The following SBF2 variants were observed in gnomAD, a reference collection of about 807,000 sequenced individuals.
SBF2 encodes the protein myotubularin-related protein 13.
SBF2 carries 112 observed loss-of-function variants against 225.2 expected under a neutral mutation model. That is an observed-to-expected ratio of 0.50 (90% CI 0.43 to 0.58). SBF2 has a LOEUF of 0.58. SBF2 is among the 20% of genes least tolerant of loss of function. SBF2 has a pLI of 0.00. For synonymous variants in SBF2, 763 were observed against 773.3 expected (o/e 0.99, Z 0.22); for missense variants, 1,996 against 2,206.2 (o/e 0.90, Z 1.91).
chr11:9,908,851 ATTTTT>A (rs34026186), intron 16 of SBF2, among the ~76,000 whole-genome samples: 1 of 125,354 alleles, frequency 8.0e-6, no homozygotes, highest in African/African-American at 3.1e-5. Context: ...CGCATGGCTA[ATTTTT>A]TTTTTTTTTT....
chr11:10,178,778 C>T (rs1956590733), intron 2 of SBF2, among the ~76,000 whole-genome samples: 3 of 146,414 alleles, frequency 2.0e-5, no homozygotes, highest in Non-Finnish European at 3.0e-5. Flanking sequence ...TTGTGGAAGT[C>T]AGTGTGGCGA....
Position 9,943,005 on chromosome 11 carries a change from AAGAAAG to A in SBF2, c.1860+18946_1860+18951del, listed in dbSNP as rs746463689. On this transcript the variant is annotated intron_variant, in intron 16 of 39. Transcript: ENST00000256190. Reference sequence around the variant, plus strand: ...GAAGAAAGAAAGAAAGAAAGAAAGAAAGAAAGAGAAAGAAAGATTGTGATGCTCTTA... The same window carrying A: ...GAAGAAAGAAAGAAAGAAAGAAAGAAAGAAAGAAAGATTGTGATGCTCTTA... Among the ~76,000 whole-genome samples, 319 of 151,358 alleles carry A rather than the reference AAGAAAG, an allele frequency of 2.1e-3. 1 individual carries two copies. Among genetic ancestry groups the A allele is most frequent in the South Asian group, 0.011 (51 of 4,804 alleles).
At chr11:10,078,638 G>C (rs1027939047) in intron 2 of SBF2, among the ~76,000 whole-genome samples, 1 of 152,044 alleles carries the variant, frequency 6.6e-6, no homozygotes, top group African/African-American at 2.4e-5. Context: ...GGGGGTTTGG[G>C]GGCTGGGGGA....
intron 2 of SBF2, among the ~76,000 whole-genome samples, chr11:10,147,964 T>G (rs1405688263): frequency 6.6e-6 from 1 of 152,196 alleles, no homozygotes; most frequent in Admixed American, 6.5e-5. Flanking sequence ...TAACATTCAC[T>G]TCTGATAAGT....
chr11:10,032,004 G>A (rs1806460127), intron 3 of SBF2, among the ~76,000 whole-genome samples: 2 of 152,160 alleles, frequency 1.3e-5, no homozygotes, highest in South Asian at 4.1e-4. Flanking sequence ...TGCTTCCAAA[G>A]TGCTGGATTA....
chr11:9,790,864 T>G, intron 33 of SBF2, 181 bp from the exon 34 acceptor site: 1 of 522,138 alleles, frequency 1.9e-6, no homozygotes, highest in Middle Eastern at 5.4e-4. Flanking sequence ...ATTTCATCGC[T>G]ACAGGGAAAC....
intron 32 of SBF2, among the ~76,000 whole-genome samples, chr11:9,804,221 C>T (rs1168337882): frequency 1.3e-5 from 2 of 152,138 alleles, no homozygotes; most frequent in Non-Finnish European, 2.9e-5. Context: ...CTGAAAATAG[C>T]ATGGAAAAAA....
chr11:10,129,597 A>C (rs567472406), intron 2 of SBF2, among the ~76,000 whole-genome samples: 1 of 152,222 alleles, frequency 6.6e-6, no homozygotes, highest in African/African-American at 2.4e-5. Context: ...AACTTCTAAT[A>C]GGGTTTGTAC....
chr11:10,279,164 C>T (rs1360103182), intron 1 of SBF2, among the ~76,000 whole-genome samples: 2 of 142,702 alleles, frequency 1.4e-5, no homozygotes, highest in Non-Finnish European at 3.0e-5. Context: ...GTAATCTCAG[C>T]ACTTTGGGAG....
rs891817405 is a variant in SBF2, at chr11:9,987,962, G to A, written c.1395+1535C>T. Among the ~76,000 whole-genome samples, 58 of 152,044 alleles carry A rather than the reference G, an allele frequency of 3.8e-4. 1 individual carries two copies. The highest frequency in any genetic ancestry group is 1.9e-4 in the Non-Finnish European group (13 of 67,976). On this transcript the variant is annotated intron_variant, in intron 13 of 39. Coordinates refer to ENST00000256190, the MANE Select transcript of SBF2 (RefSeq NM_030962.4). ...CTAAAAAAGAGCCCGCATAGCCAAAGCAAGACTAAGCAAAAAGAACAAATT... is the reference window on the plus strand; with the variant it reads ...CTAAAAAAGAGCCCGCATAGCCAAAACAAGACTAAGCAAAAAGAACAAATT...
intron 2 of SBF2, among the ~76,000 whole-genome samples, chr11:10,088,410 C>T (rs987325231): frequency 6.6e-6 from 1 of 152,118 alleles, no homozygotes; most frequent in African/African-American, 2.4e-5. Context: ...TCCACAGTGT[C>T]TTCATCTGTT....
intron 17 of SBF2, among the ~76,000 whole-genome samples, chr11:9,867,259 C>T (rs995595847): frequency 6.6e-6 from 1 of 152,104 alleles, no homozygotes; most frequent in South Asian, 2.1e-4. Flanking sequence ...TATACACCTA[C>T]TATGTACCCA....
chr11:10,162,835 T>C (rs1290732760), intron 2 of SBF2, among the ~76,000 whole-genome samples: 1 of 152,086 alleles, frequency 6.6e-6, no homozygotes, highest in African/African-American at 2.4e-5. Context: ...CAAGAATAAC[T>C]AGGAACAGTT....
At chr11:10,186,178 G>A (rs922240044) in intron 2 of SBF2, among the ~76,000 whole-genome samples, 1 of 152,196 alleles carries the variant, frequency 6.6e-6, no homozygotes, top group Non-Finnish European at 1.5e-5. Context: ...AAGTGGGAGA[G>A]ATATACAGAG....
intron 32 of SBF2, among the ~76,000 whole-genome samples, chr11:9,797,059 A>G (rs1023909447): frequency 3.3e-5 from 5 of 152,226 alleles, no homozygotes; most frequent in African/African-American, 9.6e-5. Context: ...GTAAGTTCCA[A>G]TCATAATTGT....
chr11:9,901,289 T>C (rs911637541), intron 16 of SBF2, among the ~76,000 whole-genome samples: 5 of 152,196 alleles, frequency 3.3e-5, no homozygotes, highest in African/African-American at 1.2e-4. Flanking sequence ...TTAGTATTAG[T>C]TGTGAACTCA....
chr11:10,038,972 A>T (rs1949549817), intron 3 of SBF2, among the ~76,000 whole-genome samples: 1 of 151,882 alleles, frequency 6.6e-6, no homozygotes, highest in Admixed American at 6.6e-5. Flanking sequence ...CTGATTACTT[A>T]AAAAAATTTA....
chr11:10,193,038 G>A (rs1762422890), intron 2 of SBF2, among the ~76,000 whole-genome samples: 1 of 152,022 alleles, frequency 6.6e-6, no homozygotes, highest in African/African-American at 2.4e-5. Context: ...TTTAAAACGG[G>A]TAACAACAAC....
Position 9,856,643 on chromosome 11 carries a change from G to T in SBF2, c.2178C>A (p.Thr726=), listed in dbSNP as rs1590234812. 1.2e-5 allele frequency: 19 copies of T among 1,614,106 alleles called. No individual in the cohort carries two copies. The highest frequency in any genetic ancestry group is 1.5e-5 in the Non-Finnish European group (18 of 1,180,020). ...GCTCTTGCTGAGTTGACTTGCTCAG[G>T]GTAGGCCAAAGGCGTAGTTGCTCAG... is the stretch of plus-strand genomic sequence containing the variant. ...LAAEQLRLWP[T]LSKSTQQELV... Residue 726 remains threonine (T), a synonymous_variant, in exon 19 of 40, where the codon ACC becomes ACA. Coordinates refer to ENST00000256190, the MANE Select transcript of SBF2 (RefSeq NM_030962.4).
Sources: gnomAD v4.1 joint callset for allele counts (sites outside exome capture counted in the v4.1 genomes callset) on GRCh38, gnomAD v4.1.1 for gene constraint, MANE v1.5 for transcripts, NCBI Gene and HGNC (gene_info 2026-07-23, HGNC 2026-07-21) for gene names.